TPD52L1: variants seen among roughly 807,000 people sequenced by gnomAD.
TPD52L1 encodes TPD52 like 1, also known as tumor protein D53.
A neutral mutation model predicts 28.7 loss-of-function variants in TPD52L1; 18 were observed. The observed-to-expected ratio is 0.63, with a 90% confidence interval of 0.43 to 0.93. The LOEUF (loss-of-function observed/expected upper bound fraction) is 0.93. TPD52L1 is among the 40% of genes least tolerant of loss of function. The pLI, the probability that TPD52L1 is intolerant of heterozygous loss-of-function variation, is 0.00. For synonymous variants in TPD52L1, 75 were observed against 88.8 expected, an observed-to-expected ratio of 0.84 and a Z score of 0.88; for missense variants, 203 against 254.8, an observed-to-expected ratio of 0.80 and a Z score of 1.39.
At chr6:125,238,911 C>A (rs1230061327) in intron 3 of TPD52L1, among the ~76,000 whole-genome samples, 1 of 152,188 alleles carries the variant, frequency 6.6e-6, no homozygotes, top group Non-Finnish European at 1.5e-5. Flanking sequence ...CATATTTTTG[C>A]AATTGCAAAT....
At chr6:125,239,754 A>T (rs551140664) in intron 3 of TPD52L1, among the ~76,000 whole-genome samples, 1 of 152,268 alleles carries the variant, frequency 6.6e-6, no homozygotes, top group East Asian at 1.9e-4. Context: ...TGTCAGATGC[A>T]TAGTTTGCAA....
At chr6:125,215,033 C>T (rs1794771154) in intron 1 of TPD52L1, among the ~76,000 whole-genome samples, 1 of 152,152 alleles carries the variant, frequency 6.6e-6, no homozygotes, top group Non-Finnish European at 1.5e-5. Context: ...GAAAAGAGAA[C>T]CAAGTTCATG....
intron 1 of TPD52L1, among the ~76,000 whole-genome samples, chr6:125,193,625 C>G (rs148091281): frequency 1.3e-5 from 2 of 151,984 alleles, no homozygotes; most frequent in East Asian, 3.9e-4. Flanking sequence ...ATGCCTGTTA[C>G]AAATATGAAA....
chr6:125,192,686 G>A (rs1212374795), intron 1 of TPD52L1, among the ~76,000 whole-genome samples: 4 of 152,168 alleles, frequency 2.6e-5, no homozygotes, highest in Non-Finnish European at 4.4e-5. Flanking sequence ...AAAGAAAAGG[G>A]AACATTAGTC....
intron 3 of TPD52L1, among the ~76,000 whole-genome samples, chr6:125,239,414 A>G (rs1796485550): frequency 6.6e-6 from 1 of 152,222 alleles, no homozygotes; most frequent in African/African-American, 2.4e-5. Context: ...ATTATGGCAG[A>G]AGGTGGAAGG....
intron 1 of TPD52L1, among the ~76,000 whole-genome samples, chr6:125,205,834 G>A (rs904900471): frequency 1.3e-5 from 2 of 152,198 alleles, no homozygotes; most frequent in Admixed American, 6.5e-5. Context: ...ATGAGAAAGG[G>A]AAGGAAAGAG....
At chr6:125,198,733 C>T (rs978807928) in intron 1 of TPD52L1, among the ~76,000 whole-genome samples, 2 of 152,186 alleles carry the variant, frequency 1.3e-5, no homozygotes, top group African/African-American at 4.8e-5. Context: ...GTCTGTTGAG[C>T]AGAGCTTCCT....
chr6:125,232,468 C>T (rs1796010892), intron 3 of TPD52L1, among the ~76,000 whole-genome samples: 4 of 152,078 alleles, frequency 2.6e-5, no homozygotes, highest in Admixed American at 2.6e-4. Context: ...ATCTGCACCT[C>T]ATCTGATGAA....
chr6:125,262,583 G>C, intron 6 of TPD52L1: 1 of 384,550 alleles, frequency 2.6e-6, no homozygotes, highest in Non-Finnish European at 4.7e-6. Context: ...TAAAATCTTA[G>C]ATACAGGAGA....
intron 1 of TPD52L1, among the ~76,000 whole-genome samples, chr6:125,175,876 C>G (rs956555531): frequency 7.1e-6 from 1 of 141,408 alleles, no homozygotes; most frequent in Admixed American, 7.0e-5. Flanking sequence ...CTCCCTGTCT[C>G]CACTAAACAA....
chr6:125,163,639 C>T (rs1343961098), intron 1 of TPD52L1, among the ~76,000 whole-genome samples: 2 of 149,014 alleles, frequency 1.3e-5, no homozygotes, highest in Admixed American at 1.3e-4. Context: ...TTAATAAGTA[C>T]AACAGGCCGG....
intron 2 of TPD52L1, among the ~76,000 whole-genome samples, chr6:125,228,453 T>C (rs1795750447): frequency 6.6e-6 from 1 of 152,236 alleles, no homozygotes; most frequent in Non-Finnish European, 1.5e-5. Flanking sequence ...TAATCCCTTG[T>C]TCCTTCCTTT....
chr6:125,164,887 A>G (rs1790773365), intron 1 of TPD52L1, among the ~76,000 whole-genome samples: 1 of 151,898 alleles, frequency 6.6e-6, no homozygotes, highest in Admixed American at 6.6e-5. Flanking sequence ...CCATGCAGGC[A>G]GAGGTTCACC....
intron 3 of TPD52L1, among the ~76,000 whole-genome samples, chr6:125,238,967 G>A (rs1296446926): frequency 6.6e-6 from 1 of 152,156 alleles, no homozygotes; most frequent in Non-Finnish European, 1.5e-5. Context: ...TTCATATAAT[G>A]ACTTCTTTCC....
At chr6:125,212,073 G>A (rs1232996625) in intron 1 of TPD52L1, among the ~76,000 whole-genome samples, 4 of 152,040 alleles carry the variant, frequency 2.6e-5, no homozygotes, top group African/African-American at 9.7e-5. Context: ...TTCACTTGGG[G>A]AATACATGTA....
chr6:125,218,453 T>G (rs1260724), intron 1 of TPD52L1, among the ~76,000 whole-genome samples: 6 of 152,208 alleles, frequency 3.9e-5, no homozygotes, highest in Non-Finnish European at 8.8e-5. Flanking sequence ...TTGGATTATT[T>G]CTGGTTTTAA....
At chr6:125,233,786 G>C (rs1279111895) in intron 3 of TPD52L1, among the ~76,000 whole-genome samples, 1 of 152,088 alleles carries the variant, frequency 6.6e-6, no homozygotes, top group Non-Finnish European at 1.5e-5. Context: ...CTTTATTTAA[G>C]TCAAAACAAT....
chr6:125,167,275 A>G (rs1028515694), intron 1 of TPD52L1, among the ~76,000 whole-genome samples: 1 of 152,022 alleles, frequency 6.6e-6, no homozygotes, highest in Non-Finnish European at 1.5e-5. Context: ...AAAACAAAAA[A>G]ACACCTCTTA....
At position 125,213,582 on chromosome 6, in the gene TPD52L1, C is replaced by G. The variant is rs538404727; in HGVS notation, c.20-6496C>G. On this transcript the variant is annotated intron_variant, in intron 1 of 6. Coordinates refer to ENST00000534000, the MANE Select transcript of TPD52L1 (RefSeq NM_003287.4). ...TGGCCAGGGCTGGTAACCCCAGCCC[C>G]TGATGCAGGAGCACCAACTTCTTGC... Among the ~76,000 whole-genome samples, 35 of 152,224 alleles carry G rather than the reference C, an allele frequency of 2.3e-4. No homozygotes were observed. In the South Asian group the frequency reaches 7.1e-3, roughly 31 times the overall value.
Sources: gnomAD v4.1 joint callset for allele counts (sites outside exome capture counted in the v4.1 genomes callset) on GRCh38, gnomAD v4.1.1 for gene constraint, MANE v1.5 for transcripts, NCBI Gene and HGNC (gene_info 2026-07-23, HGNC 2026-07-21) for gene names.